Variants in OTOA observed in about 807,000 individuals in gnomAD.
OTOA encodes cancer/testis antigen 108.
Under a neutral mutation model 110.8 loss-of-function variants are expected in OTOA, and 70 were observed. The ratio of observed to expected loss-of-function variants is 0.63; its 90% CI spans 0.52 to 0.77. The LOEUF is 0.77. Among genes scored for constraint, OTOA ranks in the 30% least tolerant of loss-of-function variants. The probability of loss-of-function intolerance (pLI) is 0.00; values close to 1 mark genes in which losing one functional copy is unlikely to be tolerated. For synonymous variants in OTOA, 373 were observed against 431.5 expected, an observed-to-expected ratio of 0.86 and a Z score of 1.68; for missense variants, 917 against 1,075.8, an observed-to-expected ratio of 0.85 and a Z score of 2.06.
chr16:21,714,930 T>C (rs1898502429), intron 13 of OTOA, 55 bp from the exon 14 acceptor site: 2 of 1,610,710 alleles, frequency 1.2e-6, no homozygotes, highest in East Asian at 2.2e-5. Flanking sequence ...TGAGTGCACG[T>C]TGGAGAGGTG....
chr16:21,719,366 G>A (rs1284596882), intron 16 of OTOA, 21 bp from the exon 17 acceptor site: 2 of 1,610,152 alleles, frequency 1.2e-6, no homozygotes. Context: ...CCTCTCCCGA[G>A]TGCCTTGTTT....
chr16:21,689,263 G>A (rs1037678295), intron 8 of OTOA, among the ~76,000 whole-genome samples: 1 of 152,058 alleles, frequency 6.6e-6, no homozygotes, highest in Non-Finnish European at 1.5e-5. Flanking sequence ...ATCTTTTGTA[G>A]CCAAATGACA....
chr16:21,707,233 A>G (rs1023589620), intron 12 of OTOA, among the ~76,000 whole-genome samples: 2 of 151,854 alleles, frequency 1.3e-5, no homozygotes, highest in Non-Finnish European at 2.9e-5. Context: ...AAATAAGAAG[A>G]TAAATGTATT....
chr16:21,736,689 G>A (rs1177322455), intron 22 of OTOA, among the ~76,000 whole-genome samples: 2 of 152,020 alleles, frequency 1.3e-5, no homozygotes, highest in Non-Finnish European at 2.9e-5. Context: ...AAATTAGCCG[G>A]GTGTGGTGGT....
chr16:21,684,747 A>G (rs1321974709), intron 6 of OTOA, among the ~76,000 whole-genome samples: 1 of 74,450 alleles, frequency 1.3e-5, no homozygotes, highest in East Asian at 3.2e-4. Context: ...TATTATTATT[A>G]TTATTATTAT....
At position 21,700,938 on chromosome 16, in the gene OTOA, C is replaced by T; in HGVS notation, c.891C>T (p.Val297=). The T allele has an allele frequency of 6.2e-7, 1 of 1,614,034 alleles. No individual in the cohort carries two copies. Among genetic ancestry groups the T allele is most frequent in the South Asian group, 1.1e-5 (1 of 91,068 alleles). ...ACGCCACCAAGCAGCTGGACATGGTCTATGACATCACACCTGAGCTGGCCC... is the reference window on the plus strand; with the variant it reads ...ACGCCACCAAGCAGCTGGACATGGTTTATGACATCACACCTGAGCTGGCCC... ...YDNATKQLDM[V]YDITPELAQA... Residue 297 remains valine (V), a synonymous_variant, in exon 11 of 29, where the codon GTC becomes GTT. Coordinates refer to ENST00000646100, the MANE Select transcript of OTOA (RefSeq NM_144672.4).
intron 18 of OTOA, among the ~76,000 whole-genome samples, chr16:21,724,637 T>G (rs1212862509): frequency 2.0e-5 from 3 of 152,072 alleles, no homozygotes; most frequent in South Asian, 2.1e-4. Flanking sequence ...GTAACCCAGA[T>G]CTTGGCATGG....
At chr16:21,683,723 C>CA (rs1966940010) in intron 6 of OTOA, among the ~76,000 whole-genome samples, 1 of 150,492 alleles carries the variant, frequency 6.6e-6, no homozygotes, top group Non-Finnish European at 1.5e-5. Flanking sequence ...AAAACAAAAA[C>CA]AAAAAACAGA....
At chr16:21,725,686 T>C (rs1164140976) in intron 18 of OTOA, among the ~76,000 whole-genome samples, 2 of 152,104 alleles carry the variant, frequency 1.3e-5, no homozygotes, top group Non-Finnish European at 2.9e-5. Context: ...AAGAACATGT[T>C]TGGGGGAAGA....
chr16:21,715,174 C>T (rs770711523), intron 14 of OTOA, 22 bp downstream of exon 14: 5 of 1,614,000 alleles, frequency 3.1e-6, no homozygotes, highest in Non-Finnish European at 4.2e-6. Flanking sequence ...ATGTCTGGTG[C>T]TCAGCCACAT....
intron 17 of OTOA, among the ~76,000 whole-genome samples, chr16:21,720,029 C>A (rs1208177962): frequency 6.7e-6 from 1 of 150,366 alleles, no homozygotes; most frequent in East Asian, 1.9e-4. Flanking sequence ...AATCATGGTT[C>A]ATTGCAGCCT....
In OTOA at chr16:21,685,247, C is replaced by T. The variant is rs1897690073; in HGVS notation, c.285C>T (p.His95=). 6.2e-7 allele frequency: 1 copy of T among 1,612,526 alleles called. No homozygotes were observed. The highest frequency in any genetic ancestry group is 1.3e-5 in the African/African-American group (1 of 74,880). Residue 95 remains histidine, a synonymous_variant, in exon 7 of 29, where the codon CAC becomes CAT. Coordinates refer to ENST00000646100, the MANE Select transcript of OTOA (RefSeq NM_144672.4). The part of the protein sequence containing the change: ...IPSLQAAVEN[H]LEQRLHQPQK... ...AAATACAGGCAGCCGTGGAAAACCA[C>T]CTGGAGCAGCGTCTGCACCAGCCCC...
chr16:21,667,071 C>T (rs1351788551), intron 1 of OTOA, among the ~76,000 whole-genome samples: 1 of 152,072 alleles, frequency 6.6e-6, no homozygotes, highest in Non-Finnish European at 1.5e-5. Flanking sequence ...TCCCCAAAGC[C>T]CCAAATGACC....
Position 21,697,880 on chromosome 16 carries a change from G to A in OTOA, c.840+5G>A. 6.2e-7 allele frequency: 1 copy of A among 1,607,460 alleles called. No homozygotes were observed. The highest frequency in any genetic ancestry group is 1.1e-5 in the South Asian group (1 of 90,932). On this transcript the variant is annotated splice_donor_5th_base_variant and intron_variant, in intron 10 of 28. Coordinates refer to ENST00000646100, the MANE Select transcript of OTOA (RefSeq NM_144672.4). Reference sequence around the variant, plus strand: ...ACGAAAATTAGTCCTATAGAAGTAAGTTGGAAAAGTACATTTATATGTCAC... The same window carrying A: ...ACGAAAATTAGTCCTATAGAAGTAAATTGGAAAAGTACATTTATATGTCAC...
In OTOA at chr16:21,726,613, T is replaced by C; in HGVS notation, c.1971T>C (p.Asp657=). Residue 657 remains aspartate (D), a synonymous_variant, in exon 19 of 29, where the codon GAT becomes GAC. Transcript: ENST00000646100. ...GCTGGTTGGACTCCTTGGTTTTAGA[T>C]TCCCACAAAAAGACTTCAGTCCTCA... The part of the protein sequence containing the change: ...GKSWLDSLVL[D]SHKKTSVLRK... The C allele has an allele frequency of 6.2e-7, 1 of 1,614,040 alleles. No individual in the cohort carries two copies. Among genetic ancestry groups the C allele is most frequent in the Non-Finnish European group, 8.5e-7 (1 of 1,179,974 alleles).
chr16:21,674,479 A>G (rs897998849), intron 1 of OTOA, among the ~76,000 whole-genome samples: 8 of 151,656 alleles, frequency 5.3e-5, no homozygotes, highest in African/African-American at 1.7e-4. Context: ...GACTACAGGC[A>G]TGAGCCACCA....
intron 5 of OTOA, among the ~76,000 whole-genome samples, chr16:21,679,895 T>C (rs1372190637): frequency 1.3e-5 from 2 of 152,162 alleles, no homozygotes; most frequent in Admixed American, 1.3e-4. Flanking sequence ...ACCAGTGGCC[T>C]GGCTCCAGGA....
At chr16:21,709,313 G>A (rs1393083263) in intron 12 of OTOA, among the ~76,000 whole-genome samples, 2 of 152,042 alleles carry the variant, frequency 1.3e-5, no homozygotes, top group Non-Finnish European at 2.9e-5. Flanking sequence ...TGTAATCCCA[G>A]CTACTCAGAA....
At chr16:21,729,434 C>T (rs1899036783) in intron 20 of OTOA, 1 of 152,154 alleles carries the variant, frequency 6.6e-6, no homozygotes, top group African/African-American at 2.4e-5. Flanking sequence ...ATAAGCTCCC[C>T]ATGATCAATA....
Sources: allele counts gnomAD v4.1 joint callset (sites outside exome capture counted in the v4.1 genomes callset), GRCh38; gene constraint gnomAD v4.1.1; transcripts MANE v1.5; gene names NCBI Gene and HGNC (gene_info 2026-07-23, HGNC 2026-07-21).